The following ROBO2 variants were observed in gnomAD, a reference collection of about 807,000 sequenced individuals.
ROBO2 encodes the protein roundabout guidance receptor 2.
In ROBO2, 53 loss-of-function variants were observed where a neutral mutation model predicts 160.8. The ratio of observed to expected loss-of-function variants is 0.33; its 90% confidence interval spans 0.26 to 0.41. ROBO2 has a LOEUF of 0.41. Ranked by LOEUF, ROBO2 falls within the 10% of genes least tolerant of loss-of-function variation. The pLI is 1.00. For missense variants in ROBO2, 1,577 were observed against 1,722.4 expected (o/e 0.92, Z 1.49); for synonymous variants, 664 against 611.7 (o/e 1.09, Z -1.26).
At chr3:77,236,638 T>C (rs1049309062) in intron 2 of ROBO2, among the ~76,000 whole-genome samples, 2 of 152,218 alleles carry the variant, frequency 1.3e-5, no homozygotes, top group Admixed American at 6.5e-5. Flanking sequence ...TTATTTACTC[T>C]TCTGGTATCA....
At chr3:77,282,368 G>A (rs1405234314) in intron 2 of ROBO2, among the ~76,000 whole-genome samples, 1 of 151,962 alleles carries the variant, frequency 6.6e-6, no homozygotes, top group African/African-American at 2.4e-5. Flanking sequence ...CTGTTGTATG[G>A]TAGCTGACAG....
intron 2 of ROBO2, among the ~76,000 whole-genome samples, chr3:76,348,889 T>A (rs35058506): frequency 3.9e-5 from 6 of 152,108 alleles, no homozygotes; most frequent in African/African-American, 1.4e-4. Flanking sequence ...TTATGGAGGC[T>A]GGTGAAATGC....
intron 2 of ROBO2, among the ~76,000 whole-genome samples, chr3:76,500,289 G>T (rs2080389161): frequency 1.3e-5 from 2 of 152,060 alleles, no homozygotes; most frequent in African/African-American, 2.4e-5. Context: ...TGGCTAATTT[G>T]TGTACTTTTT....
In ROBO2 at chr3:76,658,253, A is replaced by AT. The variant is rs540413496; in HGVS notation, c.110-439755dup. On this transcript the variant is annotated intron_variant, in intron 2 of 26. Transcript: ENST00000487694. ...TTTTTGGTGTGTGTTCTTCCAGATGATTTTTTCTATGTACATATTAACAGG... is the reference window on the plus strand; with the variant it reads ...TTTTTGGTGTGTGTTCTTCCAGATGATTTTTTTCTATGTACATATTAACAGG... 4.6e-5 allele frequency among the ~76,000 whole-genome samples: 7 copies of AT among 151,502 alleles called. No homozygotes were observed. In the South Asian group the frequency reaches 1.3e-3, roughly 27 times the overall value.
Position 77,451,243 on chromosome 3 carries a change from T to C in ROBO2, c.389-26171T>C, listed in dbSNP as rs13099088. Among the ~76,000 whole-genome samples, 583 of 152,288 alleles carry C rather than the reference T, an allele frequency of 3.8e-3. 2 individuals are homozygous for C. Among genetic ancestry groups the C allele is most frequent in the Middle Eastern group, 0.02 (6 of 294 alleles). On this transcript the variant is annotated intron_variant, in intron 2 of 25. Coordinates refer to ENST00000461745, the Ensembl canonical transcript of ROBO2. ...CATTTATAATTTCCAATTCTTTCTA[T>C]TTAATTTGTTTGAATTTTAAAGTTT...
At chr3:76,897,171 A>G (rs900609347) in intron 2 of ROBO2, among the ~76,000 whole-genome samples, 1 of 152,184 alleles carries the variant, frequency 6.6e-6, no homozygotes, top group Non-Finnish European at 1.5e-5. Flanking sequence ...CACATTTATG[A>G]TGGATCTATC....
chr3:75,939,106 AG>A (rs1280942273), intron 2 of ROBO2, among the ~76,000 whole-genome samples: 2 of 152,152 alleles, frequency 1.3e-5, no homozygotes, highest in African/African-American at 2.4e-5. Context: ...AGTATGACAC[AG>A]GGTTGCTGAA....
exon 22 of ROBO2, chr3:77,617,727 G>A: frequency 6.2e-7 from 1 of 1,613,912 alleles, no homozygotes; most frequent in Non-Finnish European, 8.5e-7. Flanking sequence ...GGCTCACCTG[G>A]ATGAGTTGAC....
intron 2 of ROBO2, among the ~76,000 whole-genome samples, chr3:76,432,525 T>C (rs2076481541): frequency 6.6e-6 from 1 of 152,150 alleles, no homozygotes; most frequent in Non-Finnish European, 1.5e-5. Flanking sequence ...GTTTCGATGA[T>C]AGCTTATTCA....
chr3:76,491,307 T>A (rs571674746), intron 2 of ROBO2, among the ~76,000 whole-genome samples: 1 of 152,274 alleles, frequency 6.6e-6, no homozygotes, highest in African/African-American at 2.4e-5. Flanking sequence ...GTAGAGCATA[T>A]GATCTCCCTT....
At chr3:75,973,730 C>G (rs2065057081) in intron 2 of ROBO2, among the ~76,000 whole-genome samples, 1 of 151,338 alleles carries the variant, frequency 6.6e-6, no homozygotes, top group Non-Finnish European at 1.5e-5. Flanking sequence ...TGACAGCAGG[C>G]CATGGAAATG....
At chr3:76,222,670 C>T (rs191832836) in intron 2 of ROBO2, among the ~76,000 whole-genome samples, 2 of 152,072 alleles carry the variant, frequency 1.3e-5, no homozygotes, top group Non-Finnish European at 2.9e-5. Context: ...GAGCCCTCTC[C>T]TACCCGGCTC....
chr3:76,109,561 A>G (rs1435972386), intron 2 of ROBO2, among the ~76,000 whole-genome samples: 2 of 152,048 alleles, frequency 1.3e-5, no homozygotes, highest in Non-Finnish European at 2.9e-5. Context: ...GAATGTGTTG[A>G]CTGTGCCTCC....
chr3:76,707,372 G>A (rs1349871205), intron 2 of ROBO2, among the ~76,000 whole-genome samples: 1 of 152,056 alleles, frequency 6.6e-6, no homozygotes, highest in African/African-American at 2.4e-5. Flanking sequence ...CCAATGACAG[G>A]TGATGCTTTA....
In ROBO2 at chr3:76,709,055, G is replaced by A. The variant is rs71315355; in HGVS notation, c.110-388959G>A. ...ATTTTGTTTTTGGTTTTGAGTTGGAGAAGATAATGGATTTATTTTTTATAT... is the reference window on the plus strand; with the variant it reads ...ATTTTGTTTTTGGTTTTGAGTTGGAAAAGATAATGGATTTATTTTTTATAT... On this transcript the variant is annotated intron_variant, in intron 2 of 26. Transcript: ENST00000487694. Among the ~76,000 whole-genome samples, 821 of 152,260 alleles carry A rather than the reference G, an allele frequency of 5.4e-3. 5 individuals carry two copies. Among genetic ancestry groups the A allele is most frequent in the Non-Finnish European group, 7.5e-3 (509 of 68,024 alleles).
intron 2 of ROBO2, among the ~76,000 whole-genome samples, chr3:77,374,540 A>G (rs2072353552): frequency 1.3e-5 from 2 of 152,208 alleles, no homozygotes; most frequent in African/African-American, 4.8e-5. Flanking sequence ...TGCCATTTAA[A>G]CTTCTGTGTA....
chr3:76,340,340 C>T (rs957149147), intron 2 of ROBO2, among the ~76,000 whole-genome samples: 21 of 152,030 alleles, frequency 1.4e-4, no homozygotes, highest in South Asian at 2.1e-4. Flanking sequence ...TGGGATAGAA[C>T]AGTATCCAAC....
intron 2 of ROBO2, among the ~76,000 whole-genome samples, chr3:77,346,670 G>A (rs2067678308): frequency 6.6e-6 from 1 of 152,102 alleles, no homozygotes. Context: ...GTTGTTGCAG[G>A]AATTCAGTGT....
At chr3:76,256,308 TCTCTC>T in intron 2 of ROBO2, among the ~76,000 whole-genome samples, 1 of 31,632 alleles carries the variant, frequency 3.2e-5, no homozygotes, top group East Asian at 1.8e-3. Flanking sequence ...AGTCTCTCTC[TCTCTC>T]TCTCTCTCTC....
Sources: gnomAD v4.1 joint callset for allele counts (sites outside exome capture counted in the v4.1 genomes callset) on GRCh38, gnomAD v4.1.1 for gene constraint, MANE v1.5 for transcripts, NCBI Gene and HGNC (gene_info 2026-07-23, HGNC 2026-07-21) for gene names.